Variants in PLEC observed in about 807,000 individuals in gnomAD.
PLEC encodes hemidesmosomal protein 1.
In PLEC, 216 loss-of-function variants were observed where a neutral mutation model predicts 392.8. The ratio of observed to expected loss-of-function variants is 0.55; its 90% confidence interval spans 0.49 to 0.62. PLEC has a LOEUF of 0.62. Among genes scored for constraint, PLEC ranks in the 20% least tolerant of loss-of-function variants. The pLI is 0.00. For synonymous variants in PLEC, 3,621 were observed against 2,980.6 expected (o/e 1.21, Z -7.00); for missense variants, 6,863 against 6,563.4 (o/e 1.05, Z -1.58).
chr8:143,932,322 G>T, intron 16 of PLEC, 78 bp downstream of exon 16: 1 of 1,607,786 alleles, frequency 6.2e-7, no homozygotes, highest in Non-Finnish European at 8.5e-7. Context: ...GCCCCCACTG[G>T]TCTCTGACCA....
chr8:143,931,767 G>A, intron 18 of PLEC, 108 bp from the exon 19 acceptor site: 2 of 1,527,696 alleles, frequency 1.3e-6, no homozygotes, highest in Middle Eastern at 2.2e-4. Context: ...GAGTGGCAAA[G>A]CCCCCAGGAG....
rs1554743605 is a variant in PLEC, at chr8:143,969,816, G to T, written c.70+3587C>A. 2.6e-5 allele frequency among the ~76,000 whole-genome samples: 4 copies of T among 151,988 alleles called. No individual in the cohort carries two copies. ...GTGGGGCTTAGGGGTGCTGTGAGGT[G>T]GTCCTGGAGAGGGCAGCAGGGGTGA... On this transcript the variant is annotated intron_variant, in intron 1 of 31. Coordinates refer to the PLEC transcript ENST00000356346. The surrounding 1 kb of genome is among the most constrained non-coding windows in gnomAD (Gnocchi z 5.1).
chr8:143,923,236 G>A lies in PLEC; in HGVS notation c.6693C>T (p.Phe2231=). ...RQRSQVEEEL[F]SVRVQMEELS... is the part of the protein sequence containing the mutation. The stretch of plus-strand genomic sequence containing the variant: ...GCTCCTCCATCTGCACGCGCACCGA[G>A]AAGAGCTCCTCCTCCACCTGGCTGC... The change falls in exon 31 of 32, where the codon TTC becomes TTT. Residue 2231 remains phenylalanine, a synonymous_variant. Coordinates refer to ENST00000345136, the MANE Select transcript of PLEC (RefSeq NM_201384.3). The A allele has an allele frequency of 6.2e-7, 1 of 1,604,362 alleles. No individual in the cohort carries two copies. Among genetic ancestry groups the A allele is most frequent in the South Asian group, 1.1e-5 (1 of 91,070 alleles).
rs562608112 is a variant in PLEC at position 143,945,117 on chromosome 8, G to A, written c.523+5067C>T. 2.5e-3 allele frequency: 1,021 copies of A among 411,312 alleles called. 2 individuals carry two copies. Among genetic ancestry groups the A allele is most frequent in the Non-Finnish European group, 3.9e-3 (813 of 209,052 alleles). 25.5% of individuals were successfully genotyped at this position (411,312 alleles called of 1,614,324 possible). A position where few individuals can be genotyped will look rare whatever the true frequency, so the allele number is the denominator to read the frequency against. On this transcript the variant is annotated intron_variant, in intron 1 of 31. Transcript: ENST00000322810. ...GGAAAGGCCACAGGGGCCAAGAGAA[G>A]AGGCCGCCCATTCTCCCAGAGGGCC...
intron 1 of PLEC, among the ~76,000 whole-genome samples, chr8:143,970,703 T>C (rs1554743946): frequency 6.6e-6 from 1 of 152,092 alleles, no homozygotes; most frequent in Non-Finnish European, 1.5e-5. Context: ...CCGCCTCACC[T>C]CCACTCACCT....
chr8:143,965,851 C>G (rs1833061427), intron 1 of PLEC, among the ~76,000 whole-genome samples: 1 of 152,190 alleles, frequency 6.6e-6, no homozygotes, highest in Admixed American at 6.5e-5. Flanking sequence ...ATGCCCATGC[C>G]CCCTGTGACC....
chr8:143,924,868 C>A lies in PLEC; in HGVS notation c.5061G>T (p.Arg1687=). ...GKAEEQAVRQ[R]ELAEQELEKQ... ...TCTCCAGCTCTTGTTCAGCCAGCTC[C>A]CGCTGCCGGACGGCCTGCTCCTCCG... Residue 1687 remains arginine (R), a synonymous_variant, in exon 31 of 32, where the codon CGG becomes CGT. Transcript: ENST00000345136. 6.3e-7 allele frequency: 1 copy of A among 1,588,412 alleles called. No homozygotes were observed. The highest frequency in any genetic ancestry group is 2.3e-5 in the East Asian group (1 of 44,310).
chr8:143,949,344 G>A (rs575227423), intron 1 of PLEC, among the ~76,000 whole-genome samples: 18 of 152,352 alleles, frequency 1.2e-4, no homozygotes, highest in African/African-American at 3.1e-4. Context: ...GAGCCAGCAC[G>A]GAGGGCAGAG....
exon 1 of PLEC, chr8:143,950,784 G>T: frequency 6.5e-7 from 1 of 1,529,426 alleles, no homozygotes; most frequent in Non-Finnish European, 8.7e-7. Flanking sequence ...GGCGCTGCGA[G>T]AAGCTCCCGC....
chr8:143,938,341 G>A, intron 2 of PLEC, 101 bp from the exon 3 acceptor site: 1 of 1,536,734 alleles, frequency 6.5e-7, no homozygotes, highest in African/African-American at 1.4e-5. Context: ...GAGGGAAGGA[G>A]GCGGGGGCTG....
At chr8:143,956,469 G>A (rs1428227720), upstream of PLEC, among the ~76,000 whole-genome samples, 2 of 152,232 alleles carry the variant, frequency 1.3e-5, no homozygotes, top group African/African-American at 4.8e-5. Flanking sequence ...TTGGGATGCT[G>A]AGGCAGAAGG....
chr8:143,949,825 A>C (rs1831924593), intron 1 of PLEC, among the ~76,000 whole-genome samples: 1 of 151,646 alleles, frequency 6.6e-6, no homozygotes, highest in South Asian at 2.1e-4. Flanking sequence ...GCACACCCCC[A>C]CCTCAGTGCC....
chr8:143,937,672 AC>A (rs1829417862), intron 3 of PLEC: 1 of 489,580 alleles, frequency 2.0e-6, no homozygotes. Context: ...CCGACGGGCC[AC>A]CAGCCCCCAG....
rs375097273 is a variant in PLEC, at chr8:143,918,187, C to T, written c.11634G>A (p.Ser3878=). The change falls in exon 32 of 32, where the codon TCG becomes TCA. Residue 3878 remains serine (S), a synonymous_variant. Coordinates refer to ENST00000345136, the MANE Select transcript of PLEC (RefSeq NM_201384.3). ...CACGGAAGGTCAGCTTGCGGGCGTC[C>T]GACAGTGGCAGGAGCAGCTGGCCGG... ...DGTGQLLLPL[S]DARKLTFRGL... 2.3e-4 allele frequency: 364 copies of T among 1,592,530 alleles called. 1 individual carries two copies. The Middle Eastern group carries it at 2.5e-3, about 11-fold the overall frequency.
At position 143,929,480 on chromosome 8, in the gene PLEC, G is replaced by A. The variant is rs369252486; in HGVS notation, c.3015C>T (p.His1005=). ...QLEACETRTV[H]RLRLPLDKEP... is the part of the protein sequence containing the mutation. ...CTTTGTCCAGCGGCAGCCGCAGGCG[G>A]TGCACGGTGCGCGTCTCACAGGCCT... The change falls in exon 24 of 32, where the codon CAC becomes CAT. Residue 1005 remains histidine, a synonymous_variant. Transcript: ENST00000345136. 11 of 1,603,980 alleles carry A rather than the reference G, an allele frequency of 6.9e-6. No individual in the cohort carries two copies. Among genetic ancestry groups the A allele is most frequent in the Admixed American group, 5.1e-5 (3 of 59,054 alleles).
rs1279308007 is a variant in PLEC at position 143,919,278 on chromosome 8, G to A, written c.10543C>T (p.Pro3515Ser). 1 of 1,614,000 alleles carries A rather than the reference G, an allele frequency of 6.2e-7. No individual in the cohort carries two copies. Among genetic ancestry groups the A allele is most frequent in the East Asian group, 2.2e-5 (1 of 44,868 alleles). The change falls in exon 32 of 32, where the codon CCC becomes TCC. Residue 3515 changes from proline to serine, a missense_variant. Pro to Ser is a moderately conservative substitution (Grantham distance 74). Coordinates refer to ENST00000345136, the MANE Select transcript of PLEC (RefSeq NM_201384.3). ...TACGTGAGGTTCTCATGCGTGTTGG[G>A]GTCAAAGAAGCCCTTGGTGTCGTCG... ...PSDDTKGFFDPNTHENLTYRQ... is the reference protein window; with the variant it reads ...PSDDTKGFFDSNTHENLTYRQ...
chr8:143,942,350 T>A, upstream of PLEC: 1 of 1,596,212 alleles, frequency 6.3e-7, no homozygotes, highest in Non-Finnish European at 8.5e-7. Context: ...GTGAGAGCGA[T>A]GGTGGCCCCT....
At chr8:143,953,846 C>G (rs1401506498), upstream of PLEC, 13 of 1,588,088 alleles carry the variant, frequency 8.2e-6, 1 homozygote, top group South Asian at 1.5e-4. Flanking sequence ...CCCAGGCCAG[C>G]GCCGCAGCCG....
At chr8:143,950,898 C>A, upstream of PLEC, 1 of 1,227,224 alleles carries the variant, frequency 8.1e-7, no homozygotes, top group Non-Finnish European at 1.1e-6. Context: ...GCTCGTGGCG[C>A]CTGGCTCCGT....
Sources: gnomAD v4.1 joint callset for allele counts (sites outside exome capture counted in the v4.1 genomes callset) on GRCh38, gnomAD v4.1.1 for gene constraint, Gnocchi (gnomAD v3.1) non-coding constraint, MANE v1.5 for transcripts, NCBI Gene and HGNC (gene_info 2026-07-23, HGNC 2026-07-21) for gene names.